The following ZSWIM8 variants were observed in gnomAD, a reference collection of about 807,000 sequenced individuals.
The protein encoded by ZSWIM8 is zinc finger SWIM domain-containing protein 8.
A neutral mutation model predicts 173.7 loss-of-function variants in ZSWIM8; 27 were observed. That is an observed-to-expected ratio of 0.16 (90% CI 0.11 to 0.21). The LOEUF (loss-of-function observed/expected upper bound fraction) is 0.21. Ranked by LOEUF, ZSWIM8 falls within the 10% of genes least tolerant of loss-of-function variation. The pLI is 1.00. For missense variants in ZSWIM8, 1,627 were observed against 2,428.8 expected (o/e 0.67, Z 6.94); for synonymous variants, 958 against 962.0 (o/e 1.00, Z 0.08).
intron 20 of ZSWIM8, among the ~76,000 whole-genome samples, chr10:73,798,722 A>AAACTT (rs2132790712): frequency 6.6e-6 from 1 of 152,354 alleles, no homozygotes; most frequent in South Asian, 2.1e-4. Flanking sequence ...TCAGGATAGA[A>AAACTT]AACTTAGGGA....
At chr10:73,796,205 C>T (rs541856055) in intron 15 of ZSWIM8, 2 of 181,116 alleles carry the variant, frequency 1.1e-5, no homozygotes, top group East Asian at 1.8e-4. Context: ...GAAAATTAGC[C>T]GGGCATGGTG....
In ZSWIM8 at chr10:73,796,785, A is replaced by G. The variant is rs760886134; in HGVS notation, c.3045A>G (p.Lys1015=). The change falls in exon 16 of 26, where the codon AAA becomes AAG. Residue 1015 remains lysine (K), a synonymous_variant. Coordinates refer to ENST00000604729, the MANE Select transcript of ZSWIM8 (RefSeq NM_001367799.1). The part of the protein sequence containing the change: ...DQAKLKKILD[K]LLDRESQTHK... Reference sequence around the variant, plus strand: ...CTTCTGTCTTCCAGATCTTAGACAAACTCTTGGACCGAGAGAGCCAGACAC... The same window carrying G: ...CTTCTGTCTTCCAGATCTTAGACAAGCTCTTGGACCGAGAGAGCCAGACAC... 28 of 1,613,052 alleles carry G rather than the reference A, an allele frequency of 1.7e-5. No individual in the cohort carries two copies. In the East Asian group the frequency reaches 5.8e-4, roughly 33 times the overall value.
Position 73,792,730 on chromosome 10 carries a change from G to C in ZSWIM8, c.2191G>C (p.Ala731Pro). 1 of 1,613,800 alleles carries C rather than the reference G, an allele frequency of 6.2e-7. No homozygotes were observed. ...AVGEEDDDYQ[A>P]YYLNAQDGAG... ...TGGAGAGGAGGATGATGACTACCAG[G>C]CGTACTATCTGAATGCCCAGGATGG... is the stretch of plus-strand genomic sequence containing the variant. Residue 731 changes from alanine (A) to proline (P), a missense_variant, in exon 10 of 26, where the codon GCG becomes CCG. By Grantham distance (27) the Ala-to-Pro change is conservative. Around this residue, in one of 18 missense-constraint regions of ZSWIM8, gnomAD observed 383 missense variants for 394.8 expected, o/e 0.97. Transcript: ENST00000604729. The surrounding 1 kb of genome is among the most constrained non-coding windows in gnomAD (Gnocchi z 4.3).
At position 73,797,565 on chromosome 10, in the gene ZSWIM8, G is replaced by T; in HGVS notation, c.3622G>T (p.Ala1208Ser). 2.5e-6 allele frequency: 4 copies of T among 1,613,944 alleles called. No individual in the cohort carries two copies. The highest frequency in any genetic ancestry group is 3.4e-6 in the Non-Finnish European group (4 of 1,179,860). Residue 1208 changes from alanine to serine, a missense_variant, in exon 18 of 26, where the codon GCC (alanine) becomes TCC (serine). Physicochemically the swap from Ala to Ser is moderately conservative, Grantham distance 99. Transcript: ENST00000604729. This position sits in a 1 kb window ranked among gnomAD's most constrained non-coding sequence, Gnocchi z 5.6. ...SSSSGSRRAS[A>S]SGGARAKTVE... Reference sequence around the variant, plus strand: ...CTCCAGTGGAAGTCGCCGGGCCAGTGCCAGTGGAGGAGCCCGGGCGAAGAC... The same window carrying T: ...CTCCAGTGGAAGTCGCCGGGCCAGTTCCAGTGGAGGAGCCCGGGCGAAGAC...
In ZSWIM8 at chr10:73,792,811, T is replaced by C. The variant is rs2083467104; in HGVS notation, c.2272T>C (p.Phe758Leu). 4 of 1,594,728 alleles carry C rather than the reference T, an allele frequency of 2.5e-6. No individual in the cohort carries two copies. The highest frequency in any genetic ancestry group is 3.4e-6 in the Non-Finnish European group (4 of 1,174,712). The change falls in exon 10 of 26, where the codon TTT (phenylalanine) becomes CTT (leucine). Residue 758 changes from phenylalanine (F) to leucine (L), a missense_variant. Phe to Leu is a conservative substitution (Grantham distance 22). This residue lies in a region of ZSWIM8 where 383 missense variants were observed against 394.8 expected (regional missense o/e 0.97). Coordinates refer to ENST00000604729, the MANE Select transcript of ZSWIM8 (RefSeq NM_001367799.1). The surrounding 1 kb of genome is among the most constrained non-coding windows in gnomAD (Gnocchi z 4.3). ...CGGGGCTGGGGAGGAGCACGACCTG[T>C]TTGCTGGGCTGAAGCCACTGGAACA... ...EGGAGEEHDL[F>L]AGLKPLEQES...
chr10:73,799,396 C>G lies in ZSWIM8; in HGVS notation c.4571C>G (p.Pro1524Arg), dbSNP rs1180124348. Residue 1524 changes from proline (P) to arginine (R), a missense_variant, in exon 21 of 26, where the codon CCT (proline) becomes CGT (arginine). Coordinates refer to ENST00000604729, the MANE Select transcript of ZSWIM8 (RefSeq NM_001367799.1). ...CTACAGCCCCACCTGCCCTGTAGCC[C>G]TCAGTATCTCACTCACCCAGCTCAC... Reference protein sequence around the residue: ...TALQPHLPCSPQYLTHPAHPA... With the variant: ...TALQPHLPCSRQYLTHPAHPA... 1 of 1,611,692 alleles carries G rather than the reference C, an allele frequency of 6.2e-7. No homozygotes were observed.
In ZSWIM8 at chr10:73,789,004, A is replaced by T. The variant is rs2083318582; in HGVS notation, c.363-92A>T. 2 of 781,392 alleles carry T rather than the reference A, an allele frequency of 2.6e-6. No homozygotes were observed. The highest frequency in any genetic ancestry group is 2.0e-5 in the African/African-American group (1 of 49,268). 48.4% of individuals were successfully genotyped at this position (781,392 alleles called of 1,614,324 possible). ...CCCGCCCTGGGGAAGGAATGAGGCTAGGGAGAGAGTGCCTAGGGCATTGTG... is the reference window on the plus strand; with the variant it reads ...CCCGCCCTGGGGAAGGAATGAGGCTTGGGAGAGAGTGCCTAGGGCATTGTG... On this transcript the variant is annotated intron_variant, in intron 2 of 25. Transcript: ENST00000604729. The surrounding 1 kb of genome is among the most constrained non-coding windows in gnomAD (Gnocchi z 6.8).
rs753297842 is a variant in ZSWIM8 at position 73,794,003 on chromosome 10, T to C, written c.2584T>C (p.Leu862=). The part of the protein sequence containing the change: ...NLAFRVGMFA[L]ELQRPPASTK... ...GGCCTTCCGAGTTGGCATGTTTGCC[T>C]TGGAGCTACAGAGGCCTCCAGCTTC... Residue 862 remains leucine, a synonymous_variant, in exon 12 of 26, where the codon TTG becomes CTG. Coordinates refer to ENST00000604729, the MANE Select transcript of ZSWIM8 (RefSeq NM_001367799.1). 6.2e-7 allele frequency: 1 copy of C among 1,613,518 alleles called. No individual in the cohort carries two copies. Among genetic ancestry groups the C allele is most frequent in the South Asian group, 1.1e-5 (1 of 91,014 alleles).
chr10:73,792,708 AGAG>A lies in ZSWIM8; in HGVS notation c.2175_2177del (p.Glu725del). 6.2e-7 allele frequency: 1 copy of A among 1,613,880 alleles called. No homozygotes were observed. Among genetic ancestry groups the A allele is most frequent in the Non-Finnish European group, 8.5e-7 (1 of 1,179,870 alleles). On this transcript the variant is annotated inframe_deletion, in exon 10 of 26. Coordinates refer to ENST00000604729, the MANE Select transcript of ZSWIM8 (RefSeq NM_001367799.1). This position sits in a 1 kb window ranked among gnomAD's most constrained non-coding sequence, Gnocchi z 4.3. ...CCAAAGAGGCAGCCCCTGCAGTTGG[AGAG>A]GAGGATGATGACTACCAGGCGTACT...
chr10:73,792,016 C>T lies in ZSWIM8; in HGVS notation c.1477C>T (p.Pro493Ser), dbSNP rs201081141. The change falls in exon 10 of 26, where the codon CCT becomes TCT. Residue 493 changes from proline (P) to serine (S), a missense_variant. Physicochemically the swap from Pro to Ser is moderately conservative, Grantham distance 74. This residue lies in a region of ZSWIM8 where 103 missense variants were observed against 155.6 expected (regional missense o/e 0.66). Transcript: ENST00000604729. The surrounding 1 kb of genome is among the most constrained non-coding windows in gnomAD (Gnocchi z 4.3). ...YFNWEEAYPL[P>S]GVTYSGTDRK... ...CAACTGGGAAGAGGCCTACCCACTT[C>T]CTGGTGTCACCTACAGCGGCACTGA... The T allele has an allele frequency of 8.8e-4, 1,372 of 1,550,454 alleles. 4 individuals carry two copies. The highest frequency in any genetic ancestry group is 1.1e-3 in the Non-Finnish European group (1,318 of 1,146,422).
Position 73,798,447 on chromosome 10 carries a change from G to A in ZSWIM8, c.4170G>A (p.Lys1390=). ...TCCAGCGGGCCCTGGTGCAGTGCAAGGAACAGGTATTTCTACGGGCAATCT... is the reference window on the plus strand; with the variant it reads ...TCCAGCGGGCCCTGGTGCAGTGCAAAGAACAGGTATTTCTACGGGCAATCT... ...NEIQRALVQC[K]EQDNLMLEKA... The change falls in exon 20 of 26, where the codon AAG becomes AAA. Residue 1390 remains lysine, a synonymous_variant. Transcript: ENST00000604729. The A allele has an allele frequency of 6.2e-7, 1 of 1,612,134 alleles. No individual in the cohort carries two copies. Among genetic ancestry groups the A allele is most frequent in the Non-Finnish European group, 8.5e-7 (1 of 1,178,366 alleles).
chr10:73,797,764 C>T lies in ZSWIM8; in HGVS notation c.3663-17C>T, dbSNP rs1402678287. 6.2e-7 allele frequency: 1 copy of T among 1,606,714 alleles called. No homozygotes were observed. Among genetic ancestry groups the T allele is most frequent in the Non-Finnish European group, 8.5e-7 (1 of 1,174,926 alleles). ...AAAGAAACCCCAACCCCCGTCCCTA[C>T]CCCATTGCCCCTTCAGGTACAAGGG... On this transcript the variant is annotated splice_polypyrimidine_tract_variant and intron_variant, in intron 18 of 25. Transcript: ENST00000604729. This position sits in a 1 kb window ranked among gnomAD's most constrained non-coding sequence, Gnocchi z 5.6.
At position 73,786,091 on chromosome 10, in the gene ZSWIM8, G is replaced by T; in HGVS notation, c.208+5G>T. On this transcript the variant is annotated splice_donor_5th_base_variant and intron_variant, in intron 1 of 25. Transcript: ENST00000604729. ...GTGGCGGTACCAGAATGCGAGGTGA[G>T]AGTGAGCTGGGGGGAAGAGGAGCGG... 1 of 1,559,362 alleles carries T rather than the reference G, an allele frequency of 6.4e-7. No individual in the cohort carries two copies. The highest frequency in any genetic ancestry group is 1.4e-5 in the African/African-American group (1 of 72,122).
At position 73,801,708 on chromosome 10, in the gene ZSWIM8, G is replaced by A. The variant is rs1283646808; in HGVS notation, c.*189G>A. 6.5e-7 allele frequency: 1 copy of A among 1,532,750 alleles called. No individual in the cohort carries two copies. Among genetic ancestry groups the A allele is most frequent in the African/African-American group, 1.4e-5 (1 of 72,988 alleles). 94.9% of individuals were successfully genotyped at this position (1,532,750 alleles called of 1,614,324 possible). A position where few individuals can be genotyped will look rare whatever the true frequency, so the allele number is the denominator to read the frequency against. On this transcript the variant is annotated 3_prime_UTR_variant, in exon 26 of 26. Transcript: ENST00000604729. This position sits in a 1 kb window ranked among gnomAD's most constrained non-coding sequence, Gnocchi z 4.9. ...ACACCCTAGAAGCCTAGGGCTGGGG[G>A]AGACAGCCCTGTCTGGGAGGGGGCG...
At chr10:73,794,113 C>T (rs771317719) in intron 12 of ZSWIM8, 34 bp from the exon 13 acceptor site, 2 of 1,612,736 alleles carry the variant, frequency 1.2e-6, no homozygotes, top group African/African-American at 1.3e-5. Context: ...TCTATTGACA[C>T]ACCAGAGGTC....
Position 73,792,529 on chromosome 10 carries a change from C to T in ZSWIM8, c.1990C>T (p.Pro664Ser). 2.5e-6 allele frequency: 4 copies of T among 1,614,008 alleles called. No homozygotes were observed. The highest frequency in any genetic ancestry group is 2.2e-5 in the East Asian group (1 of 44,872). ...CCCTTCCACTTTCCTTCCTGAGCCC[C>T]CAGATACTTATGAAGAAGATGGTGG... ...RGPSTFLPEPPDTYEEDGGVY... is the reference protein window; with the variant it reads ...RGPSTFLPEPSDTYEEDGGVY... The change falls in exon 10 of 26, where the codon CCA becomes TCA. Residue 664 changes from proline to serine, a missense_variant. Pro to Ser is a moderately conservative substitution (Grantham distance 74, BLOSUM62 -1). This residue lies in a region of ZSWIM8 where 383 missense variants were observed against 394.8 expected (regional missense o/e 0.97). Coordinates refer to ENST00000604729, the MANE Select transcript of ZSWIM8 (RefSeq NM_001367799.1). The surrounding 1 kb of genome is among the most constrained non-coding windows in gnomAD (Gnocchi z 4.3).
At position 73,797,245 on chromosome 10, in the gene ZSWIM8, C is replaced by T. The variant is rs778132830; in HGVS notation, c.3407C>T (p.Pro1136Leu). ...GGYNGRGWGSPGRPKKKHTGM... is the reference protein window; with the variant it reads ...GGYNGRGWGSLGRPKKKHTGM... ...TATAATGGACGGGGATGGGGGTCCCCAGGACGGCCTAAGAAGAAGCACACA... is the reference window on the plus strand; with the variant it reads ...TATAATGGACGGGGATGGGGGTCCCTAGGACGGCCTAAGAAGAAGCACACA... Residue 1136 changes from proline to leucine, a missense_variant, in exon 17 of 26, where the codon CCA becomes CTA. Pro to Leu is a moderately conservative substitution (Grantham distance 98). This residue lies in a region of ZSWIM8 where 163 missense variants were observed against 193.2 expected (regional missense o/e 0.84). Coordinates refer to ENST00000604729, the MANE Select transcript of ZSWIM8 (RefSeq NM_001367799.1). This position sits in a 1 kb window ranked among gnomAD's most constrained non-coding sequence, Gnocchi z 5.6. 4 of 1,613,974 alleles carry T rather than the reference C, an allele frequency of 2.5e-6. No individual in the cohort carries two copies. The highest frequency in any genetic ancestry group is 1.1e-5 in the South Asian group (1 of 91,080).
chr10:73,799,378 C>A lies in ZSWIM8; in HGVS notation c.4553C>A (p.Pro1518His). ...CTGCACCCCTACACTGCTCTACAGC[C>A]CCACCTGCCCTGTAGCCCTCAGTAT... ...PGLHPYTALQ[P>H]HLPCSPQYLT... Residue 1518 changes from proline to histidine, a missense_variant, in exon 21 of 26, where the codon CCC becomes CAC. Transcript: ENST00000604729. The A allele has an allele frequency of 6.2e-7, 1 of 1,612,030 alleles. No homozygotes were observed. Among genetic ancestry groups the A allele is most frequent in the Non-Finnish European group, 8.5e-7 (1 of 1,179,186 alleles).
chr10:73,788,385 C>T (rs185620856), intron 1 of ZSWIM8, among the ~76,000 whole-genome samples: 4 of 152,316 alleles, frequency 2.6e-5, no homozygotes, highest in Admixed American at 6.5e-5. Flanking sequence ...TCCTGGAACG[C>T]ACCTGTCTGG....
Sources: gnomAD v4.1 joint callset for allele counts (sites outside exome capture counted in the v4.1 genomes callset) on GRCh38, gnomAD v4.1.1 for gene constraint, gnomAD v4.1.1 regional missense constraint, Gnocchi (gnomAD v3.1) non-coding constraint, MANE v1.5 for transcripts, NCBI Gene and HGNC (gene_info 2026-07-23, HGNC 2026-07-21) for gene names.